The following APLP2 variants were observed in gnomAD, a reference collection of about 807,000 sequenced individuals.
APLP2 encodes the protein amyloid beta precursor like protein 2.
A neutral mutation model predicts 89.9 loss-of-function variants in APLP2; 53 were observed. The ratio of observed to expected loss-of-function variants is 0.59; its 90% confidence interval spans 0.47 to 0.74. APLP2 has a LOEUF of 0.74. Among genes scored for constraint, APLP2 ranks in the 30% least tolerant of loss-of-function variants. APLP2 has a pLI of 0.00. For missense variants in APLP2, 973 were observed against 975.9 expected, an observed-to-expected ratio of 1.00 and a Z score of 0.04; for synonymous variants, 372 against 348.6, an observed-to-expected ratio of 1.07 and a Z score of -0.75.
At chr11:130,103,151 TG>T (rs1947162770) in intron 1 of APLP2, among the ~76,000 whole-genome samples, 1 of 152,302 alleles carries the variant, frequency 6.6e-6, no homozygotes, top group African/African-American at 2.4e-5. Context: ...CTTAAGGAAA[TG>T]GACAGCACAT....
In APLP2 at chr11:130,123,607, C is replaced by A; in HGVS notation, c.923-5C>A. The A allele has an allele frequency of 6.2e-7, 1 of 1,611,454 alleles. No individual in the cohort carries two copies. Among genetic ancestry groups the A allele is most frequent in the Non-Finnish European group, 8.5e-7 (1 of 1,178,892 alleles). ...CCTGCTGACACTCTGACCATTTTCA[C>A]ACAGCTGTCTGCTCCCAGGAGGCGA... On this transcript the variant is annotated splice_region_variant and splice_polypyrimidine_tract_variant and intron_variant, in intron 6 of 16. Transcript: ENST00000338167. The surrounding 1 kb of genome is among the most constrained non-coding windows in gnomAD (Gnocchi z 4.0).
At chr11:130,111,568 C>T (rs1337626895) in intron 3 of APLP2, among the ~76,000 whole-genome samples, 1 of 152,228 alleles carries the variant, frequency 6.6e-6, no homozygotes, top group Non-Finnish European at 1.5e-5. Flanking sequence ...TACTTTTTCT[C>T]ATTCTCACGT....
chr11:130,135,697 G>A lies in APLP2; in HGVS notation c.1819G>A (p.Ala607Thr), dbSNP rs772013574. 1.7e-5 allele frequency: 27 copies of A among 1,614,000 alleles called. No individual in the cohort carries two copies. The Admixed American group carries it at 3.5e-4, about 21-fold the overall frequency. ...GTTCCACCCCTTCCACCCCTTCCCA[G>A]CCCTACCTGAGAACGAAGGTGTGTA... Reference protein sequence around the residue: ...PPFHPFHPFPALPENEGSGVG... With the variant: ...PPFHPFHPFPTLPENEGSGVG... Residue 607 changes from alanine to threonine, a missense_variant, in exon 13 of 17, where the codon GCC (alanine) becomes ACC (threonine). Physicochemically the swap from Ala to Thr is moderately conservative, Grantham distance 58. Coordinates refer to ENST00000338167, the MANE Select transcript of APLP2 (RefSeq NM_001142276.2).
At chr11:130,091,102 A>T (rs1331546215) in intron 1 of APLP2, among the ~76,000 whole-genome samples, 10 of 124,524 alleles carry the variant, frequency 8.0e-5, no homozygotes, top group East Asian at 5.6e-4. Flanking sequence ...TGACCCCCCC[A>T]CCTCCCTCCC....
intron 3 of APLP2, among the ~76,000 whole-genome samples, chr11:130,111,111 G>A (rs567102407): frequency 6.2e-4 from 95 of 152,284 alleles, no homozygotes; most frequent in African/African-American, 2.1e-3. Context: ...CCTGTGGACA[G>A]TCAAGGGTAC....
chr11:130,078,166 T>TTTTC (rs1491293812), intron 1 of APLP2, among the ~76,000 whole-genome samples: 1 of 121,966 alleles, frequency 8.2e-6, no homozygotes, highest in African/African-American at 2.9e-5. Flanking sequence ...TTTTTCTTTC[T>TTTTC]TTTTTTTTTT....
At chr11:130,086,458 A>C (rs1305735311) in intron 1 of APLP2, among the ~76,000 whole-genome samples, 1 of 152,212 alleles carries the variant, frequency 6.6e-6, no homozygotes, top group African/African-American at 2.4e-5. Flanking sequence ...ATTTTCTGTC[A>C]TTCTGCAGTT....
At chr11:130,079,078 ATTTT>A (rs58245004) in intron 1 of APLP2, among the ~76,000 whole-genome samples, 19,859 of 142,774 alleles carry the variant, frequency 0.14, 2,261 homozygotes, top group African/African-American at 0.34. Context: ...CATGACATGT[ATTTT>A]TTTTATTTAT....
Position 130,130,062 on chromosome 11 carries a change from C to T in APLP2, c.1480C>T (p.Arg494Trp), listed in dbSNP as rs756376622. The change falls in exon 11 of 17, where the codon CGG becomes TGG. Residue 494 changes from arginine to tryptophan, a missense_variant. Transcript: ENST00000338167. ...GCCTCATCGCATTCTCCAGGCCTTA[C>T]GGCGTTATGTCCGTGCTGAGAACAA... Reference protein sequence around the residue: ...PRPHRILQALRRYVRAENKDR... With the variant: ...PRPHRILQALWRYVRAENKDR... 2.6e-5 allele frequency: 42 copies of T among 1,614,074 alleles called. No individual in the cohort carries two copies. In the South Asian group the frequency reaches 2.7e-4, roughly 11 times the overall value.
chr11:130,111,662 TG>T (rs1948584100), intron 3 of APLP2, among the ~76,000 whole-genome samples: 1 of 152,134 alleles, frequency 6.6e-6, no homozygotes, highest in Non-Finnish European at 1.5e-5. Context: ...AAAATATTCG[TG>T]AGGAGCAAGA....
chr11:130,080,863 A>AT (rs376475394), intron 1 of APLP2, among the ~76,000 whole-genome samples: 8,757 of 151,422 alleles, frequency 0.058, 848 homozygotes, highest in African/African-American at 0.2. Context: ...TGCCTGGCTA[A>AT]TTTTTTTTAA....
At chr11:130,092,268 T>C in intron 1 of APLP2, among the ~76,000 whole-genome samples, 1 of 134,596 alleles carries the variant, frequency 7.4e-6, no homozygotes, top group East Asian at 2.5e-4. Flanking sequence ...GCTCCTCACA[T>C]CCCAGATGAT....
intron 1 of APLP2, among the ~76,000 whole-genome samples, chr11:130,083,026 CTTTTTTT>C (rs553962550): frequency 3.4e-4 from 25 of 72,488 alleles, no homozygotes; most frequent in Admixed American, 1.1e-3. Context: ...CTTTTCTTTT[CTTTTTTT>C]TTTTTTTTTT....
intron 10 of APLP2, among the ~76,000 whole-genome samples, chr11:130,129,770 G>T (rs2136032279): frequency 6.6e-6 from 1 of 152,314 alleles, no homozygotes; most frequent in Admixed American, 6.5e-5. Flanking sequence ...CAGGAAAAAG[G>T]ACAGATCAGA....
chr11:130,089,010 A>G (rs1323081777), intron 1 of APLP2, among the ~76,000 whole-genome samples: 2 of 152,080 alleles, frequency 1.3e-5, no homozygotes, highest in Non-Finnish European at 2.9e-5. Flanking sequence ...TCCTTCCAGT[A>G]TGATGCCACT....
At chr11:130,105,236 G>GA (rs1947500440) in intron 1 of APLP2, among the ~76,000 whole-genome samples, 1 of 152,194 alleles carries the variant, frequency 6.6e-6, no homozygotes, top group African/African-American at 2.4e-5. Context: ...AACACAATGA[G>GA]ACCCCATCTC....
chr11:130,105,368 A>T (rs1947532098), intron 1 of APLP2, among the ~76,000 whole-genome samples: 1 of 152,092 alleles, frequency 6.6e-6, no homozygotes, highest in Non-Finnish European at 1.5e-5. Context: ...ATGAGCTGAG[A>T]TTGCCCCATT....
In APLP2 at chr11:130,123,918, T is replaced by C; in HGVS notation, c.1090+139T>C. 2 of 934,808 alleles carry C rather than the reference T, an allele frequency of 2.1e-6. No individual in the cohort carries two copies. Among genetic ancestry groups the C allele is most frequent in the Non-Finnish European group, 1.6e-6 (1 of 616,522 alleles). The allele number at this position is 934,808 out of a possible 1,614,324, so 57.9% of individuals were successfully genotyped here. On this transcript the variant is annotated intron_variant, in intron 7 of 16. Coordinates refer to ENST00000338167, the MANE Select transcript of APLP2 (RefSeq NM_001142276.2). The surrounding 1 kb of genome is among the most constrained non-coding windows in gnomAD (Gnocchi z 4.0). Reference sequence around the variant, plus strand: ...CTGTCGGTCGTCTTCCCCTCATCTTTGTGCTTTCTAGATCTAGGCTTTGCT... The same window carrying C: ...CTGTCGGTCGTCTTCCCCTCATCTTCGTGCTTTCTAGATCTAGGCTTTGCT...
intron 1 of APLP2, among the ~76,000 whole-genome samples, chr11:130,105,701 C>CTTTTTTT (rs765278847): frequency 1.7e-5 from 2 of 118,190 alleles, no homozygotes; most frequent in Non-Finnish European, 3.4e-5. Context: ...TTTCTGTCTG[C>CTTTTTTT]TTTTTTTTTT....
Sources: gnomAD v4.1 joint callset for allele counts (sites outside exome capture counted in the v4.1 genomes callset) on GRCh38, gnomAD v4.1.1 for gene constraint, Gnocchi (gnomAD v3.1) non-coding constraint, MANE v1.5 for transcripts, NCBI Gene and HGNC (gene_info 2026-07-23, HGNC 2026-07-21) for gene names.